The following SUCLG2 variants were observed in gnomAD, a reference collection of about 807,000 sequenced individuals.
SUCLG2 encodes succinate-CoA ligase GDP-forming subunit beta, also known as succinate--CoA ligase [GDP-forming] subunit beta, mitochondrial.
A neutral mutation model predicts 47.9 loss-of-function variants in SUCLG2; 42 were observed. The ratio of observed to expected loss-of-function variants is 0.88; its 90% CI spans 0.69 to 1.14. SUCLG2 has a LOEUF of 1.14. Among genes scored for constraint, SUCLG2 ranks in the 50% most tolerant of loss-of-function variants. The pLI is 0.00. For missense variants in SUCLG2, 571 were observed against 525.9 expected (o/e 1.09, Z -0.84); for synonymous variants, 195 against 197.3 (o/e 0.99, Z 0.10).
At chr3:67,450,944 C>A (rs753852785) in intron 9 of SUCLG2, among the ~76,000 whole-genome samples, 11 of 152,174 alleles carry the variant, frequency 7.2e-5, no homozygotes, top group Admixed American at 2.6e-4. Context: ...ATGGTATGTC[C>A]ATCAGGTAGC....
chr3:67,567,077 G>A (rs1236595487), intron 2 of SUCLG2, among the ~76,000 whole-genome samples: 2 of 151,936 alleles, frequency 1.3e-5, no homozygotes, highest in South Asian at 2.1e-4. Flanking sequence ...CCAGCTACTC[G>A]GAAGGCTAAG....
rs138173223 is a variant in SUCLG2, at chr3:67,613,482, G to A, written c.85-3886C>T. On this transcript the variant is annotated intron_variant, in intron 1 of 10. Coordinates refer to ENST00000307227, the MANE Select transcript of SUCLG2 (RefSeq NM_003848.4). The stretch of plus-strand genomic sequence containing the variant: ...TGTTGTGTGACACATTCAGGCCAAC[G>A]TTTAATTGCCATCCCTCCTACCCCA... Among the ~76,000 whole-genome samples the A allele has an allele frequency of 3.3e-3, 495 of 152,238 alleles. 5 individuals are homozygous for A. The highest frequency in any genetic ancestry group is 2.9e-3 in the Non-Finnish European group (200 of 68,012).
intron 3 of SUCLG2, 39 bp downstream of exon 3, chr3:67,529,048 C>T (rs1288492446): frequency 1.3e-6 from 2 of 1,558,958 alleles, no homozygotes; most frequent in Non-Finnish European, 8.8e-7. Context: ...TCCATAACTG[C>T]TTGGCCAAAA....
chr3:67,528,662 A>G (rs760926278), intron 3 of SUCLG2, among the ~76,000 whole-genome samples: 1 of 152,188 alleles, frequency 6.6e-6, no homozygotes, highest in Non-Finnish European at 1.5e-5. Flanking sequence ...CAGTGCTAGG[A>G]GATGCAGGAG....
intron 9 of SUCLG2, among the ~76,000 whole-genome samples, chr3:67,405,241 T>C (rs1702777165): frequency 6.6e-6 from 1 of 152,206 alleles, no homozygotes; most frequent in South Asian, 2.1e-4. Flanking sequence ...AGGCAGTCCA[T>C]ACACAAGTTT....
rs1337882977 is a variant in SUCLG2 at position 67,375,464 on chromosome 3, T to C, written c.*280A>G. 9.0e-6 allele frequency: 10 copies of C among 1,116,364 alleles called. No individual in the cohort carries two copies. Among genetic ancestry groups the C allele is most frequent in the African/African-American group, 8.1e-5 (5 of 61,390 alleles). 69.2% of individuals were successfully genotyped at this position (1,116,364 alleles called of 1,614,324 possible). A position where few individuals can be genotyped will look rare whatever the true frequency, so the allele number is the denominator to read the frequency against. ...TCTATACACACAATATTTGGCCACA[T>C]AGACCACTCCCCAAAGTCTGCAAAA... is the stretch of plus-strand genomic sequence containing the variant. On this transcript the variant is annotated 3_prime_UTR_variant, in exon 11 of 11. Coordinates refer to ENST00000307227, the MANE Select transcript of SUCLG2 (RefSeq NM_003848.4).
chr3:67,441,041 T>C (rs1575697485), intron 9 of SUCLG2, among the ~76,000 whole-genome samples: 1 of 152,296 alleles, frequency 6.6e-6, no homozygotes, highest in African/African-American at 2.4e-5. Context: ...TGGAATACTA[T>C]GCAGCCATAA....
At chr3:67,477,087 G>A (rs1278470022) in intron 9 of SUCLG2, among the ~76,000 whole-genome samples, 2 of 151,964 alleles carry the variant, frequency 1.3e-5, no homozygotes, top group Non-Finnish European at 2.9e-5. Context: ...ATCTGTACCT[G>A]CCTCCCATAT....
intron 9 of SUCLG2, among the ~76,000 whole-genome samples, chr3:67,416,874 A>T (rs548310676): frequency 9.2e-5 from 14 of 152,222 alleles, no homozygotes; most frequent in Non-Finnish European, 1.9e-4. Flanking sequence ...TTAAGGCAAG[A>T]TCAGTATGAA....
chr3:67,510,105 C>T (rs1443661707), intron 6 of SUCLG2, among the ~76,000 whole-genome samples: 1 of 152,216 alleles, frequency 6.6e-6, no homozygotes. Context: ...ACCACTGCCT[C>T]ATTTTTGTTC....
intron 9 of SUCLG2, among the ~76,000 whole-genome samples, chr3:67,444,157 T>TGG (rs538268918): frequency 7.6e-5 from 2 of 26,278 alleles, no homozygotes; most frequent in Non-Finnish European, 7.3e-5. Context: ...GGGAGGGAGG[T>TGG]GGGGGAGTCA....
chr3:67,367,631 T>C (rs1701893814), intron 10 of SUCLG2, among the ~76,000 whole-genome samples: 1 of 152,222 alleles, frequency 6.6e-6, no homozygotes, highest in Non-Finnish European at 1.5e-5. Flanking sequence ...TGTTGTAGAA[T>C]GTTCAGCAGC....
chr3:67,571,470 A>G lies in SUCLG2; in HGVS notation c.226+37985T>C, dbSNP rs566550729. Among the ~76,000 whole-genome samples, 6 of 152,352 alleles carry G rather than the reference A, an allele frequency of 3.9e-5. No individual in the cohort carries two copies. The East Asian group carries it at 1.2e-3, about 29-fold the overall frequency. ...AATAGCACCCTGAATTCTAAGGGCC[A>G]GTGTCCAAATGCCAATTCCACATAA... On this transcript the variant is annotated intron_variant, in intron 2 of 10. Transcript: ENST00000307227.
chr3:67,566,080 A>T lies in SUCLG2; in HGVS notation c.227-36894T>A, dbSNP rs541855248. Among the ~76,000 whole-genome samples the T allele has an allele frequency of 2.7e-4, 41 of 152,332 alleles. No individual in the cohort carries two copies. The East Asian group carries it at 7.5e-3, about 28-fold the overall frequency. ...GGTGGAAGGATTCACACACCTGTCC[A>T]CTTAAGACAAGATTTTGCATTCAAC... On this transcript the variant is annotated intron_variant, in intron 2 of 10. Transcript: ENST00000307227.
intron 9 of SUCLG2, among the ~76,000 whole-genome samples, chr3:67,446,354 TAA>T (rs372575700): frequency 0.03 from 524 of 17,404 alleles, 155 homozygotes; most frequent in East Asian, 0.29. Context: ...CATTTGTATA[TAA>T]AAAAAAAAAA....
At chr3:67,541,389 C>T (rs1706704891) in intron 2 of SUCLG2, among the ~76,000 whole-genome samples, 1 of 151,976 alleles carries the variant, frequency 6.6e-6, no homozygotes, top group African/African-American at 2.4e-5. Context: ...GAAGGATACA[C>T]AAGTATCAAT....
chr3:67,536,013 TTC>T (rs1451450198), intron 2 of SUCLG2, among the ~76,000 whole-genome samples: 1 of 152,198 alleles, frequency 6.6e-6, no homozygotes, highest in Non-Finnish European at 1.5e-5. Context: ...TCTGAAACGT[TTC>T]TGAGTTGCTT....
rs116272758 is a variant in SUCLG2, at chr3:67,564,292, C to T, written c.227-35106G>A. On this transcript the variant is annotated intron_variant, in intron 2 of 10. Coordinates refer to ENST00000307227, the MANE Select transcript of SUCLG2 (RefSeq NM_003848.4). ...AGCATATACACTTTGTTGAGCTGAT[C>T]TACAGGGCTCACTAGCTTTCCCCCC... Among the ~76,000 whole-genome samples, 1,101 of 152,260 alleles carry T rather than the reference C, an allele frequency of 7.2e-3. 11 individuals carry two copies. The highest frequency in any genetic ancestry group is 0.035 in the East Asian group (184 of 5,186).
chr3:67,474,713 T>C (rs781226527), intron 9 of SUCLG2, among the ~76,000 whole-genome samples: 31 of 152,240 alleles, frequency 2.0e-4, no homozygotes, highest in Non-Finnish European at 3.5e-4. Flanking sequence ...TTATCTTTAC[T>C]GAATTTTGTC....
Sources: gnomAD v4.1 joint callset for allele counts (sites outside exome capture counted in the v4.1 genomes callset) on GRCh38, gnomAD v4.1.1 for gene constraint, MANE v1.5 for transcripts, NCBI Gene and HGNC (gene_info 2026-07-23, HGNC 2026-07-21) for gene names.